GFM1: variants seen among roughly 807,000 people sequenced by gnomAD.
GFM1 encodes the protein elongation factor G, mitochondrial.
Under a neutral mutation model 96.2 loss-of-function variants are expected in GFM1, and 62 were observed. The ratio of observed to expected loss-of-function variants is 0.64; its 90% CI spans 0.53 to 0.80. The LOEUF is 0.80. Among genes scored for constraint, GFM1 ranks in the 30% least tolerant of loss-of-function variants. The pLI, the probability that GFM1 is intolerant of heterozygous loss-of-function variation, is 0.00. For missense variants in GFM1, 852 were observed against 916.6 expected, an observed-to-expected ratio of 0.93 and a Z score of 0.91; for synonymous variants, 282 against 312.9, an observed-to-expected ratio of 0.90 and a Z score of 1.04.
rs1726330223 is a variant in GFM1 at position 158,691,620 on chromosome 3, A to G, written c.*153A>G. ...TCTTCAAAAGAAGCCCTTCTTGTTCATATTCAGGAGCTTCTGTTATATTCA... is the reference window on the plus strand; with the variant it reads ...TCTTCAAAAGAAGCCCTTCTTGTTCGTATTCAGGAGCTTCTGTTATATTCA... On this transcript the variant is annotated 3_prime_UTR_variant, in exon 18 of 18. Coordinates refer to ENST00000486715, the MANE Select transcript of GFM1 (RefSeq NM_024996.7). 1 of 723,218 alleles carries G rather than the reference A, an allele frequency of 1.4e-6. No individual in the cohort carries two copies. Among genetic ancestry groups the G allele is most frequent in the East Asian group, 2.7e-5 (1 of 36,902 alleles). 44.8% of individuals were successfully genotyped at this position (723,218 alleles called of 1,614,324 possible). A position where few individuals can be genotyped will look rare whatever the true frequency, so the allele number is the denominator to read the frequency against.
At position 158,692,546 on chromosome 3, in the gene GFM1, G is replaced by A. The variant is rs1726399026; in HGVS notation, c.*1079G>A. ...ATCCTAGTCCTTTTCATTACCTGAT[G>A]GTAGAAATAAAATAATTGATTTTAA... is the stretch of plus-strand genomic sequence containing the variant. On this transcript the variant is annotated 3_prime_UTR_variant, in exon 18 of 18. Transcript: ENST00000486715. 4 of 152,078 alleles carry A rather than the reference G, an allele frequency of 2.6e-5. No individual in the cohort carries two copies. The highest frequency in any genetic ancestry group is 9.7e-5 in the African/African-American group (4 of 41,396). The allele number at this position is 152,078 out of a possible 1,614,324, so 9.4% of individuals were successfully genotyped here.
chr3:158,679,266 CAT>C (rs1395298374), intron 13 of GFM1, among the ~76,000 whole-genome samples: 1 of 152,274 alleles, frequency 6.6e-6, no homozygotes, highest in East Asian at 1.9e-4. Flanking sequence ...ATCGTGTAAA[CAT>C]ATAGCTTTTA....
chr3:158,677,174 T>A (rs998505801), intron 13 of GFM1, among the ~76,000 whole-genome samples: 8 of 152,226 alleles, frequency 5.3e-5, no homozygotes, highest in Non-Finnish European at 1.2e-4. Flanking sequence ...CCTGCCCATA[T>A]AAGATAGCAA....
At chr3:158,689,911 C>T (rs139370414) in intron 15 of GFM1, among the ~76,000 whole-genome samples, 100 of 152,154 alleles carry the variant, frequency 6.6e-4, no homozygotes, top group Non-Finnish European at 1.1e-3. Flanking sequence ...GTATTATTCT[C>T]TGCTATTTAA....
At chr3:158,658,789 TA>T in intron 8 of GFM1, 132 bp from the exon 9 acceptor site, 2 of 913,158 alleles carry the variant, frequency 2.2e-6, no homozygotes, top group Non-Finnish European at 3.5e-6. Flanking sequence ...TTTATGACAA[TA>T]AACTGAAATA....
chr3:158,646,402 T>A (rs1410082537), intron 3 of GFM1, 105 bp downstream of exon 3: 1 of 1,167,322 alleles, frequency 8.6e-7, no homozygotes, highest in Non-Finnish European at 1.3e-6. Context: ...TACTCAAAAG[T>A]GTAACACTGA....
chr3:158,644,822 C>T (rs1324984028), intron 1 of GFM1, 107 bp downstream of exon 1: 4 of 904,760 alleles, frequency 4.4e-6, no homozygotes, highest in Non-Finnish European at 5.4e-6. Flanking sequence ...ACTGACAGCT[C>T]CGAATACTGG....
At chr3:158,666,654 G>A (rs752532432) in intron 13 of GFM1, 1 of 1,613,086 alleles carries the variant, frequency 6.2e-7, no homozygotes, top group Non-Finnish European at 8.5e-7. Flanking sequence ...GTTTATTCCA[G>A]TTGTACTTCC....
At chr3:158,646,081 C>T (rs1216894491) in intron 2 of GFM1, 84 bp from the exon 3 acceptor site, 12 of 1,539,674 alleles carry the variant, frequency 7.8e-6, no homozygotes, top group Non-Finnish European at 1.1e-5. Flanking sequence ...CTGCACCTGG[C>T]AACTGTTTCC....
chr3:158,670,753 T>G (rs1724206353), intron 13 of GFM1, among the ~76,000 whole-genome samples: 1 of 152,076 alleles, frequency 6.6e-6, no homozygotes, highest in Non-Finnish European at 1.5e-5. Context: ...TCCTAGCACT[T>G]TGGGAGGCAG....
intron 13 of GFM1, chr3:158,672,595 C>T (rs1724454429): frequency 2.4e-6 from 3 of 1,259,794 alleles, no homozygotes; most frequent in Non-Finnish European, 3.3e-6. Flanking sequence ...AAGTCGCAAG[C>T]TCCTTCAGTC....
At chr3:158,687,691 C>T (rs892521960) in intron 15 of GFM1, among the ~76,000 whole-genome samples, 2 of 152,160 alleles carry the variant, frequency 1.3e-5, no homozygotes, top group Non-Finnish European at 2.9e-5. Context: ...TGGTCTTGAA[C>T]TCCTGACCTC....
chr3:158,653,320 G>T lies in GFM1; in HGVS notation c.851G>T (p.Arg284Leu), dbSNP rs965034653. The T allele has an allele frequency of 1.9e-6, 3 of 1,612,754 alleles. No individual in the cohort carries two copies. The South Asian group carries it at 3.3e-5, about 18-fold the overall frequency. The change falls in exon 7 of 18, where the codon CGA becomes CTA. Residue 284 changes from arginine to leucine, a missense_variant. Transcript: ENST00000486715. ...TGTTTTCTTTTGTAGCTAGCAATTCGAAGAGCTACTCTGAAAAGATCATTT... is the reference window on the plus strand; with the variant it reads ...TGTTTTCTTTTGTAGCTAGCAATTCTAAGAGCTACTCTGAAAAGATCATTT... ...PSISDLKLAIRRATLKRSFTP... is the reference protein window; with the variant it reads ...PSISDLKLAILRATLKRSFTP...
rs1324046304 is a variant in GFM1, at chr3:158,653,335, A to G, written c.866A>G (p.Lys289Arg). ...CTAGCAATTCGAAGAGCTACTCTGA[A>G]AAGATCATTTACTCCTGTATTTTTG... ...LKLAIRRATL[K>R]RSFTPVFLGS... Residue 289 changes from lysine to arginine, a missense_variant, in exon 7 of 18, where the codon AAA becomes AGA. Transcript: ENST00000486715. 6.2e-7 allele frequency: 1 copy of G among 1,613,542 alleles called. No homozygotes were observed. Among genetic ancestry groups the G allele is most frequent in the East Asian group, 2.2e-5 (1 of 44,802 alleles).
intron 15 of GFM1, among the ~76,000 whole-genome samples, chr3:158,686,721 G>GTT (rs67517331): frequency 0.046 from 3,905 of 85,598 alleles, 508 homozygotes; most frequent in African/African-American, 0.12. Flanking sequence ...TTGAATTGAG[G>GTT]TTTTTTTTTT....
At chr3:158,647,678 A>G (rs1262634553) in intron 4 of GFM1, among the ~76,000 whole-genome samples, 1 of 152,214 alleles carries the variant, frequency 6.6e-6, no homozygotes, top group East Asian at 1.9e-4. Context: ...ATGAAAGTGA[A>G]CATTTTCTTA....
In GFM1 at chr3:158,646,926, C is replaced by T. The variant is rs766455806; in HGVS notation, c.551C>T (p.Ala184Val). The T allele has an allele frequency of 4.2e-5, 68 of 1,614,014 alleles. No homozygotes were observed. Among genetic ancestry groups the T allele is most frequent in the Admixed American group, 6.7e-5 (4 of 60,024 alleles). Residue 184 changes from alanine (A) to valine (V), a missense_variant, in exon 4 of 18, where the codon GCC (alanine) becomes GTC (valine). Physicochemically the swap from Ala to Val is moderately conservative, Grantham distance 64 (BLOSUM62 0). Transcript: ENST00000486715. ...NKLDRMGSNP[A>V]RALQQMRSKL... ...TTGGACCGAATGGGCTCCAACCCAG[C>T]CAGGGCCCTGCAGCAAATGAGGTAA...
chr3:158,689,441 C>G (rs375060939), intron 15 of GFM1, among the ~76,000 whole-genome samples: 3 of 152,090 alleles, frequency 2.0e-5, no homozygotes, highest in African/African-American at 7.2e-5. Flanking sequence ...AAAGACAGAT[C>G]GTAGGCGTGG....
intron 8 of GFM1, chr3:158,657,401 G>A (rs1422025384): frequency 6.6e-6 from 1 of 151,880 alleles, no homozygotes; most frequent in East Asian, 1.9e-4. Flanking sequence ...TTAATGTATT[G>A]GATTATTTCA....
Sources: gnomAD v4.1 joint callset for allele counts (sites outside exome capture counted in the v4.1 genomes callset) on GRCh38, gnomAD v4.1.1 for gene constraint, MANE v1.5 for transcripts, NCBI Gene and HGNC (gene_info 2026-07-23, HGNC 2026-07-21) for gene names.